FHOD3: variants seen among roughly 807,000 people sequenced by gnomAD.
FHOD3 encodes the protein formin homology 2 domain containing 3, also known as FH1/FH2 domain-containing protein 3.
In FHOD3, 90 loss-of-function variants were observed where a neutral mutation model predicts 173.0. The observed-to-expected ratio is 0.52, with a 90% confidence interval of 0.44 to 0.62. The LOEUF (loss-of-function observed/expected upper bound fraction) is 0.62. FHOD3 is among the 20% of genes least tolerant of loss of function. FHOD3 has a pLI of 0.00. For synonymous variants in FHOD3, 828 were observed against 823.0 expected (o/e 1.01, Z -0.10); for missense variants, 1,945 against 2,034.7 (o/e 0.96, Z 0.85).
At chr18:36,395,810 G>A (rs1367447099) in intron 3 of FHOD3, among the ~76,000 whole-genome samples, 1 of 152,088 alleles carries the variant, frequency 6.6e-6, no homozygotes, top group South Asian at 2.1e-4. Flanking sequence ...CACATACTGG[G>A]TTTGCTATTT....
intron 26 of FHOD3, 63 bp downstream of exon 26, chr18:36,759,204 A>T (rs1334678901): frequency 6.8e-7 from 1 of 1,463,128 alleles, no homozygotes; most frequent in Non-Finnish European, 9.3e-7. Context: ...CTCTGGTCTA[A>T]CCTAACATAA....
chr18:36,604,490 A>G (rs2031831928), intron 8 of FHOD3, among the ~76,000 whole-genome samples: 1 of 152,224 alleles, frequency 6.6e-6, no homozygotes, highest in African/African-American at 2.4e-5. Context: ...ACCTCAGTGT[A>G]TAGAACAACT....
intron 1 of FHOD3, among the ~76,000 whole-genome samples, chr18:36,312,823 C>T (rs1321819259): frequency 6.6e-6 from 1 of 152,190 alleles, no homozygotes; most frequent in African/African-American, 2.4e-5. Context: ...TCACCCCAAA[C>T]GTAGTGGCTT....
rs780810101 is a variant in FHOD3, at chr18:36,730,629, C to T, written c.3418-17C>T. The T allele has an allele frequency of 7.5e-6, 12 of 1,607,796 alleles. No individual in the cohort carries two copies. Among genetic ancestry groups the T allele is most frequent in the Non-Finnish European group, 9.3e-6 (11 of 1,177,718 alleles). On this transcript the variant is annotated splice_polypyrimidine_tract_variant and intron_variant, in intron 19 of 28. Transcript: ENST00000590592. ...AGATGATGCATTAATCTTGGATTCT[C>T]CTTTTTTATCACTAAGAAAACTGCT...
intron 2 of FHOD3, among the ~76,000 whole-genome samples, chr18:36,368,631 C>T (rs183108875): frequency 1.8e-4 from 28 of 152,270 alleles, no homozygotes; most frequent in Middle Eastern, 3.4e-3. Context: ...TCCATTTTCA[C>T]ACTGCTATAA....
At chr18:36,779,156 A>T (rs1163380240) in intron 28 of FHOD3, 1 of 438,924 alleles carries the variant, frequency 2.3e-6, no homozygotes, top group Non-Finnish European at 4.1e-6. Context: ...CGTGAGGGTG[A>T]GCCTCTCCTC....
chr18:36,685,510 GTTCT>G (rs1282150479), intron 15 of FHOD3, among the ~76,000 whole-genome samples: 1 of 152,148 alleles, frequency 6.6e-6, no homozygotes, highest in Non-Finnish European at 1.5e-5. Flanking sequence ...TCTAAAAGTT[GTTCT>G]TTATCTATTG....
At chr18:36,727,955 G>C (rs2041162277) in intron 19 of FHOD3, among the ~76,000 whole-genome samples, 1 of 152,208 alleles carries the variant, frequency 6.6e-6, no homozygotes, top group Non-Finnish European at 1.5e-5. Context: ...CTGGTTCCCA[G>C]GGAATCCCTG....
chr18:36,586,743 G>T (rs961664291), intron 6 of FHOD3, among the ~76,000 whole-genome samples: 2 of 152,144 alleles, frequency 1.3e-5, no homozygotes, highest in Non-Finnish European at 2.9e-5. Context: ...GCCCCGCAAA[G>T]TGCTGGGATT....
At chr18:36,741,081 C>T (rs1816584882) in intron 21 of FHOD3, among the ~76,000 whole-genome samples, 1 of 152,050 alleles carries the variant, frequency 6.6e-6, no homozygotes, top group African/African-American at 2.4e-5. Context: ...TCACTGATTA[C>T]AAAACAAAAC....
intron 6 of FHOD3, among the ~76,000 whole-genome samples, chr18:36,586,637 C>T (rs952980818): frequency 7.9e-5 from 12 of 152,056 alleles, no homozygotes; most frequent in African/African-American, 1.4e-4. Context: ...TACAGGCATG[C>T]GCCACCATGC....
intron 3 of FHOD3, among the ~76,000 whole-genome samples, chr18:36,452,676 A>G (rs1024606859): frequency 1.3e-5 from 2 of 152,136 alleles, no homozygotes; most frequent in African/African-American, 4.8e-5. Flanking sequence ...GATATTTCAT[A>G]GAGGTGGAGT....
intron 1 of FHOD3, among the ~76,000 whole-genome samples, chr18:36,303,625 C>A (rs1490779151): frequency 6.6e-6 from 1 of 152,152 alleles, no homozygotes; most frequent in Non-Finnish European, 1.5e-5. Context: ...CTCCCCCACC[C>A]TCCTTTTCTC....
chr18:36,771,307 G>A (rs1179894584), intron 28 of FHOD3, among the ~76,000 whole-genome samples: 7 of 152,184 alleles, frequency 4.6e-5, no homozygotes, highest in African/African-American at 1.4e-4. Context: ...TCTCCGAAGG[G>A]GCGAGGCTAA....
chr18:36,711,861 C>CCTA (rs985778424), intron 18 of FHOD3, among the ~76,000 whole-genome samples: 7 of 152,254 alleles, frequency 4.6e-5, no homozygotes, highest in Admixed American at 2.6e-4. Flanking sequence ...ATACTTGTAC[C>CCTA]CTAGACAGGC....
At chr18:36,347,750 A>T (rs878979437) in intron 1 of FHOD3, among the ~76,000 whole-genome samples, 4 of 152,244 alleles carry the variant, frequency 2.6e-5, no homozygotes, top group Non-Finnish European at 5.9e-5. Flanking sequence ...GGGGTTAGCC[A>T]ATAGGAACTA....
chr18:36,713,053 C>T (rs1443038425), intron 18 of FHOD3, among the ~76,000 whole-genome samples: 1 of 152,148 alleles, frequency 6.6e-6, no homozygotes, highest in Non-Finnish European at 1.5e-5. Flanking sequence ...GAAAATAAGA[C>T]ATTCTCAGAT....
chr18:36,412,031 C>T (rs1326068390), intron 3 of FHOD3, among the ~76,000 whole-genome samples: 1 of 152,196 alleles, frequency 6.6e-6, no homozygotes, highest in Non-Finnish European at 1.5e-5. Flanking sequence ...AGGATTTGAG[C>T]CCTTTGTGTA....
intron 17 of FHOD3, among the ~76,000 whole-genome samples, chr18:36,694,307 G>T (rs1355955063): frequency 6.6e-6 from 1 of 152,180 alleles, no homozygotes; most frequent in Non-Finnish European, 1.5e-5. Flanking sequence ...AAACAAGGCC[G>T]GACTCCATGA....
Sources: allele counts gnomAD v4.1 joint callset (sites outside exome capture counted in the v4.1 genomes callset), GRCh38; gene constraint gnomAD v4.1.1; transcripts MANE v1.5; gene names NCBI Gene and HGNC (gene_info 2026-07-23, HGNC 2026-07-21).